PCNX2: variants seen among roughly 807,000 people sequenced by gnomAD.
PCNX2 encodes the protein pecanex 2.
In PCNX2, 168 loss-of-function variants were observed where a neutral mutation model predicts 223.8. The observed-to-expected ratio is 0.75, with a 90% confidence interval of 0.66 to 0.85. The LOEUF (loss-of-function observed/expected upper bound fraction) is 0.85. Ranked by LOEUF, PCNX2 falls within the 40% of genes least tolerant of loss-of-function variation. The probability of loss-of-function intolerance (pLI) is 0.00; values close to 1 mark genes in which losing one functional copy is unlikely to be tolerated. For synonymous variants in PCNX2, 1,006 were observed against 1,052.6 expected (o/e 0.96, Z 0.86); for missense variants, 2,507 against 2,675.5 (o/e 0.94, Z 1.39).
Position 233,139,520 on chromosome 1 carries a change from A to G in PCNX2, c.3659+194T>C, listed in dbSNP as rs1031036539. Among the ~76,000 whole-genome samples the G allele has an allele frequency of 1.3e-5, 2 of 152,176 alleles. No individual in the cohort carries two copies. Among genetic ancestry groups the G allele is most frequent in the African/African-American group, 4.8e-5 (2 of 41,438 alleles). On this transcript the variant is annotated intron_variant, in intron 20 of 33. Transcript: ENST00000258229. The surrounding 1 kb of genome is among the most constrained non-coding windows in gnomAD (Gnocchi z 4.4). ...TATCATTTCAAGCAGATCTAACTTC[A>G]TTTGCACCCCAGTCATTCTACAATA... is the stretch of plus-strand genomic sequence containing the variant.
chr1:233,232,123 A>G (rs912147505), intron 9 of PCNX2, among the ~76,000 whole-genome samples: 3 of 152,222 alleles, frequency 2.0e-5, no homozygotes, highest in Non-Finnish European at 2.9e-5. Context: ...TTATCCTATT[A>G]TAACAGTGGC....
chr1:233,306,065 A>G, the PCNX2 span, among the ~76,000 whole-genome samples: 1 of 152,212 alleles, frequency 6.6e-6, no homozygotes, highest in Non-Finnish European at 1.5e-5. Context: ...GAAGAAGCAA[A>G]CCAAGAGAGT....
intron 12 of PCNX2, among the ~76,000 whole-genome samples, chr1:233,217,389 T>C (rs899792246): frequency 6.6e-6 from 1 of 152,214 alleles, no homozygotes; most frequent in Non-Finnish European, 1.5e-5. Context: ...ATATCACTAA[T>C]AATAAGAGCT....
intron 13 of PCNX2, among the ~76,000 whole-genome samples, chr1:233,204,013 C>T (rs911102508): frequency 2.6e-5 from 4 of 152,178 alleles, no homozygotes; most frequent in South Asian, 2.1e-4. Flanking sequence ...AAACGCTCCT[C>T]GTTATAGGTT....
Position 233,285,309 on chromosome 1 carries a change from G to A in PCNX2, c.153+10017C>T, listed in dbSNP as rs527780522. Among the ~76,000 whole-genome samples, 26 of 151,882 alleles carry A rather than the reference G, an allele frequency of 1.7e-4. No homozygotes were observed. The East Asian group carries it at 4.5e-3, about 26-fold the overall frequency. On this transcript the variant is annotated intron_variant, in intron 1 of 33. Transcript: ENST00000258229. ...TGAGGTTGCAGTGAGTTACAATTACGCCACTGTTCTCCAGCCTGAGTGACA... is the reference window on the plus strand; with the variant it reads ...TGAGGTTGCAGTGAGTTACAATTACACCACTGTTCTCCAGCCTGAGTGACA...
chr1:233,017,727 C>T (rs10910645), intron 26 of PCNX2, among the ~76,000 whole-genome samples: 63,741 of 151,972 alleles, frequency 0.42, 14,477 homozygotes, highest in African/African-American at 0.6. Context: ...CAGAACTCAT[C>T]TGAGACATTT....
chr1:233,233,896 C>T (rs1298300110), intron 9 of PCNX2, among the ~76,000 whole-genome samples: 7 of 152,042 alleles, frequency 4.6e-5, no homozygotes, highest in Admixed American at 2.0e-4. Context: ...CAGGTCGTTT[C>T]TCTGTCTAGA....
intron 23 of PCNX2, among the ~76,000 whole-genome samples, chr1:233,063,517 T>G (rs1437400140): frequency 6.6e-6 from 1 of 152,184 alleles, no homozygotes; most frequent in Admixed American, 6.5e-5. Context: ...TACATACTGT[T>G]ATTAATTAGT....
intron 14 of PCNX2, among the ~76,000 whole-genome samples, chr1:233,199,779 C>T (rs145523646): frequency 2.2e-4 from 33 of 148,918 alleles, no homozygotes; most frequent in African/African-American, 8.4e-4. Context: ...CAGACTTGAG[C>T]ATGTGTGTGC....
intron 1 of PCNX2, among the ~76,000 whole-genome samples, chr1:233,284,172 C>T (rs570168601): frequency 1.1e-4 from 16 of 152,200 alleles, no homozygotes; most frequent in South Asian, 6.2e-4. Context: ...GCTGGCATAA[C>T]GGAAATTTGG....
intron 21 of PCNX2, among the ~76,000 whole-genome samples, chr1:233,112,613 T>C (rs140338340): frequency 3.9e-4 from 59 of 152,380 alleles, no homozygotes; most frequent in Non-Finnish European, 7.9e-4. Flanking sequence ...GAGAATTCTC[T>C]CTTTCAGCAG....
rs1382846084 is a variant in PCNX2 at position 233,139,107 on chromosome 1, A to G, written c.3659+607T>C. ...ACTTTTGCCTTTCATCAGAATGACA[A>G]ATCTACAGATTATCAAGGAGATTTC... is the stretch of plus-strand genomic sequence containing the variant. On this transcript the variant is annotated intron_variant, in intron 20 of 33. Coordinates refer to ENST00000258229, the MANE Select transcript of PCNX2 (RefSeq NM_014801.4). The surrounding 1 kb of genome is among the most constrained non-coding windows in gnomAD (Gnocchi z 4.4). 6.6e-6 allele frequency among the ~76,000 whole-genome samples: 1 copy of G among 152,228 alleles called. No individual in the cohort carries two copies. Among genetic ancestry groups the G allele is most frequent in the Admixed American group, 6.5e-5 (1 of 15,290 alleles).
At chr1:233,076,690 T>C (rs1043184593) in intron 23 of PCNX2, among the ~76,000 whole-genome samples, 1 of 152,244 alleles carries the variant, frequency 6.6e-6, no homozygotes, top group Non-Finnish European at 1.5e-5. Context: ...CAACTAAAAT[T>C]ACACTTCTTA....
At chr1:233,118,245 A>G (rs1675542334) in intron 21 of PCNX2, among the ~76,000 whole-genome samples, 1 of 152,142 alleles carries the variant, frequency 6.6e-6, no homozygotes, top group African/African-American at 2.4e-5. Context: ...TCTACTAGAT[A>G]AAGACCTACA....
chr1:233,090,161 C>T lies in PCNX2; in HGVS notation c.3976G>A (p.Ala1326Thr). ...HSAMLFFQTIATSIFSTPLSP... is the reference protein window; with the variant it reads ...HSAMLFFQTITTSIFSTPLSP... ...AATGGGGTAGAAAAGATTGATGTGGCAATCGTCTGAAAGAAAAGCATGGCA... is the reference window on the plus strand; with the variant it reads ...AATGGGGTAGAAAAGATTGATGTGGTAATCGTCTGAAAGAAAAGCATGGCA... Residue 1326 changes from alanine to threonine, a missense_variant, in exon 23 of 34, where the codon GCC becomes ACC. Transcript: ENST00000258229. 6.2e-7 allele frequency: 1 copy of T among 1,612,956 alleles called. No individual in the cohort carries two copies.
rs530220598 is a variant in PCNX2 at position 233,196,505 on chromosome 1, C to T, written c.3066+2434G>A. Among the ~76,000 whole-genome samples the T allele has an allele frequency of 2.6e-5, 4 of 152,038 alleles. No individual in the cohort carries two copies. The South Asian group carries it at 8.3e-4, about 32-fold the overall frequency. ...TTGTATCTAGATTATGTAAAGAACT[C>T]TTATGTCTCAATAATATGGCATACA... On this transcript the variant is annotated intron_variant, in intron 15 of 33. Coordinates refer to ENST00000258229, the MANE Select transcript of PCNX2 (RefSeq NM_014801.4).
chr1:233,159,881 C>G (rs1678363022), intron 19 of PCNX2, among the ~76,000 whole-genome samples: 1 of 152,144 alleles, frequency 6.6e-6, no homozygotes, highest in Non-Finnish European at 1.5e-5. Context: ...TTCTCCATCC[C>G]CATCATTTCA....
intron 26 of PCNX2, among the ~76,000 whole-genome samples, chr1:233,018,254 GC>G (rs2102822365): frequency 6.6e-6 from 1 of 152,010 alleles, no homozygotes; most frequent in South Asian, 2.1e-4. Context: ...GAACTCCTGG[GC>G]TCAAGCATCC....
chr1:233,000,487 C>T lies in PCNX2; in HGVS notation c.5146G>A (p.Glu1716Lys), dbSNP rs369348878. 25 of 1,601,328 alleles carry T rather than the reference C, an allele frequency of 1.6e-5. No individual in the cohort carries two copies. The highest frequency in any genetic ancestry group is 5.1e-5 in the Admixed American group (3 of 58,820). Reference protein sequence around the residue: ...DEYEDPAVLYEAIQSFEKKVV... With the variant: ...DEYEDPAVLYKAIQSFEKKVV... ...TTCTTCTCGAAGGACTGGATGGCCTCGTAGAGGACTGCTGGGTCTTCATAC... is the reference window on the plus strand; with the variant it reads ...TTCTTCTCGAAGGACTGGATGGCCTTGTAGAGGACTGCTGGGTCTTCATAC... The change falls in exon 30 of 34, where the codon GAG becomes AAG. Residue 1716 changes from glutamate to lysine, a missense_variant. By Grantham distance (56) the Glu-to-Lys change is moderately conservative. Around this residue, in one of 3 missense-constraint regions of PCNX2, gnomAD observed 1,372 missense variants for 1,509.4 expected, o/e 0.91. Coordinates refer to ENST00000258229, the MANE Select transcript of PCNX2 (RefSeq NM_014801.4). The surrounding 1 kb of genome is among the most constrained non-coding windows in gnomAD (Gnocchi z 4.6).
Sources: allele counts gnomAD v4.1 joint callset (sites outside exome capture counted in the v4.1 genomes callset), GRCh38; gene constraint gnomAD v4.1.1; regional missense constraint gnomAD v4.1.1; non-coding constraint Gnocchi (gnomAD v3.1); transcripts MANE v1.5; gene names NCBI Gene and HGNC (gene_info 2026-07-23, HGNC 2026-07-21).